Variants in FAM81B observed in about 807,000 individuals in gnomAD.
The protein encoded by FAM81B is family with sequence similarity 81 member B.
A neutral mutation model predicts 58.7 loss-of-function variants in FAM81B; 60 were observed. The observed-to-expected ratio is 1.02, with a 90% CI of 0.83 to 1.27. The LOEUF (loss-of-function observed/expected upper bound fraction) is 1.27, where lower values mean the gene tolerates loss of function less well. Ranked by LOEUF, FAM81B falls within the 50% of genes most tolerant of loss-of-function variation. The probability of loss-of-function intolerance (pLI) is 0.00; values close to 1 mark genes in which losing one functional copy is unlikely to be tolerated. For synonymous variants in FAM81B, 189 were observed against 179.6 expected (o/e 1.05, Z -0.42); for missense variants, 491 against 522.0 (o/e 0.94, Z 0.58).
chr5:95,446,097 G>C (rs1745546108), intron 7 of FAM81B, among the ~76,000 whole-genome samples: 1 of 152,186 alleles, frequency 6.6e-6, no homozygotes, highest in Non-Finnish European at 1.5e-5. Flanking sequence ...GGAGCATTGA[G>C]TGGTTGCAAC....
chr5:95,439,199 A>AC (rs1445827223), intron 7 of FAM81B, among the ~76,000 whole-genome samples: 2 of 141,938 alleles, frequency 1.4e-5, no homozygotes. Context: ...AAATACTGGC[A>AC]CTTTTATTTC....
chr5:95,409,110 C>T (rs746128297), intron 3 of FAM81B, among the ~76,000 whole-genome samples: 5 of 152,104 alleles, frequency 3.3e-5, no homozygotes, highest in Non-Finnish European at 7.4e-5. Context: ...TTAGATATAA[C>T]GGTTTAAATA....
chr5:95,409,790 CA>C (rs969119158), intron 3 of FAM81B, among the ~76,000 whole-genome samples: 13 of 151,974 alleles, frequency 8.6e-5, no homozygotes, highest in Non-Finnish European at 1.8e-4. Flanking sequence ...TGGCATTGCC[CA>C]AAAAAACTTA....
chr5:95,392,321 G>A (rs973326352), intron 1 of FAM81B, among the ~76,000 whole-genome samples: 1 of 152,102 alleles, frequency 6.6e-6, no homozygotes, highest in Non-Finnish European at 1.5e-5. Context: ...CATGGACACA[G>A]GGAGGGGAAC....
chr5:95,424,918 G>T (rs1417260460), intron 5 of FAM81B, among the ~76,000 whole-genome samples: 1 of 152,096 alleles, frequency 6.6e-6, no homozygotes, highest in Non-Finnish European at 1.5e-5. Context: ...GACTGGAATT[G>T]CTCGGGATAG....
chr5:95,450,042 T>C, intron 9 of FAM81B, 107 bp from the exon 10 acceptor site: 1 of 1,259,174 alleles, frequency 7.9e-7, no homozygotes, highest in Non-Finnish European at 1.1e-6. Context: ...TTAATGCGCT[T>C]GGAATTAAAT....
At chr5:95,398,768 A>C (rs541740503) in intron 3 of FAM81B, among the ~76,000 whole-genome samples, 1 of 152,308 alleles carries the variant, frequency 6.6e-6, no homozygotes, top group African/African-American at 2.4e-5. Context: ...TAAGAATCTG[A>C]CATTTGAGAA....
At chr5:95,392,757 A>G (rs895516251) in intron 1 of FAM81B, 37 bp from the exon 2 acceptor site, 8 of 1,554,608 alleles carry the variant, frequency 5.1e-6, no homozygotes, top group Non-Finnish European at 6.1e-6. Context: ...TTCACTTGTC[A>G]TAGTTCCTGA....
intron 7 of FAM81B, among the ~76,000 whole-genome samples, chr5:95,437,171 AT>A (rs1395065721): frequency 6.6e-6 from 1 of 152,000 alleles, no homozygotes; most frequent in Non-Finnish European, 1.5e-5. Context: ...CCTTCCTGTA[AT>A]TTTTACTTAT....
chr5:95,428,550 G>A lies in FAM81B; in HGVS notation c.657-53G>A, dbSNP rs943364618. ...TGAATGTGCAGGTGTCTACTATAGT[G>A]TTAAAAATGTTATAAAGGTATTGAT... On this transcript the variant is annotated intron_variant, in intron 5 of 9. Transcript: ENST00000283357. The A allele has an allele frequency of 3.4e-5, 54 of 1,604,152 alleles. No homozygotes were observed. The African/African-American group carries it at 6.0e-4, about 18-fold the overall frequency.
intron 6 of FAM81B, among the ~76,000 whole-genome samples, chr5:95,429,726 G>A (rs930186386): frequency 6.6e-6 from 1 of 152,090 alleles, no homozygotes; most frequent in Non-Finnish European, 1.5e-5. Context: ...TTAAAGTCTT[G>A]AGCAGAAATT....
At chr5:95,406,076 G>A (rs1212898319) in intron 3 of FAM81B, 1 of 154,262 alleles carries the variant, frequency 6.5e-6, no homozygotes, top group Non-Finnish European at 1.5e-5. Flanking sequence ...TAGAGAAGAA[G>A]AGCAGACTTA....
chr5:95,400,435 C>CATACATACACACATACATACAT, intron 3 of FAM81B, among the ~76,000 whole-genome samples: 1 of 143,504 alleles, frequency 7.0e-6, no homozygotes, highest in South Asian at 2.3e-4. Flanking sequence ...TACATACATA[C>CATACATACACACATACATACAT]ACACACACAC....
At position 95,408,075 on chromosome 5, in the gene FAM81B, T is replaced by TGAGAGAGAGA. The variant is rs10567707; in HGVS notation, c.294-5844_294-5835dup. Among the ~76,000 whole-genome samples, 781 of 130,258 alleles carry TGAGAGAGAGA rather than the reference T, an allele frequency of 6.0e-3. 3 individuals are homozygous for TGAGAGAGAGA. The highest frequency in any genetic ancestry group is 0.012 in the African/African-American group (389 of 33,682). The allele number at this position is 130,258 out of a possible 152,430, so 85.5% of individuals were successfully genotyped here. A position where few individuals can be genotyped will look rare whatever the true frequency, so the allele number is the denominator to read the frequency against. ...ATATGGCAGTTGGCTTCCCCCAAAA[T>TGAGAGAGAGA]GAGAGAGAGAGAGAGAGAGAGAGAG... On this transcript the variant is annotated intron_variant, in intron 3 of 9. Transcript: ENST00000283357.
Position 95,413,955 on chromosome 5 carries a change from C to A in FAM81B, c.302C>A (p.Ala101Asp), listed in dbSNP as rs1458389512. ...DLVEYVDKSH[A>D]FLPIIPNTQR... ...TTCCTTTTTCTGATCAGGAGTCATG[C>A]TTTTCTCCCCATCATTCCAAACACC... The change falls in exon 4 of 10, where the codon GCT (alanine) becomes GAT (aspartate). Residue 101 changes from alanine (A) to aspartate (D), a missense_variant. Physicochemically the swap from Ala to Asp is moderately radical, Grantham distance 126. Transcript: ENST00000283357. 1 of 1,612,672 alleles carries A rather than the reference C, an allele frequency of 6.2e-7. No individual in the cohort carries two copies. Among genetic ancestry groups the A allele is most frequent in the Admixed American group, 1.7e-5 (1 of 59,838 alleles).
intron 7 of FAM81B, chr5:95,440,214 C>A: frequency 1.5e-6 from 1 of 652,406 alleles, no homozygotes; most frequent in Non-Finnish European, 3.0e-6. Context: ...TATTGACTGG[C>A]TTCTCGGTCT....
At position 95,430,344 on chromosome 5, in the gene FAM81B, A is replaced by C. The variant is rs1390177547; in HGVS notation, c.786+1612A>C. Among the ~76,000 whole-genome samples the C allele has an allele frequency of 2.0e-5, 3 of 151,014 alleles. No homozygotes were observed. The East Asian group carries it at 5.8e-4, about 29-fold the overall frequency. ...CTTATGCAGATATGAGCAAATGCAA[A>C]TACATATTTTTATTCCCCCTTTATT... On this transcript the variant is annotated intron_variant, in intron 6 of 9. Transcript: ENST00000283357.
chr5:95,417,734 A>G (rs1459717328), intron 4 of FAM81B, among the ~76,000 whole-genome samples: 1 of 152,120 alleles, frequency 6.6e-6, no homozygotes, highest in Non-Finnish European at 1.5e-5. Flanking sequence ...TGGTGTAAAT[A>G]CTCCTATGAT....
chr5:95,428,434 G>T (rs1329953685), intron 5 of FAM81B, among the ~76,000 whole-genome samples, 169 bp from the exon 6 acceptor site: 1 of 152,118 alleles, frequency 6.6e-6, no homozygotes, highest in African/African-American at 2.4e-5. Flanking sequence ...TCATCAGAAA[G>T]AGAAGGGAAA....
Sources: gnomAD v4.1 joint callset for allele counts (sites outside exome capture counted in the v4.1 genomes callset) on GRCh38, gnomAD v4.1.1 for gene constraint, MANE v1.5 for transcripts, NCBI Gene and HGNC (gene_info 2026-07-23, HGNC 2026-07-21) for gene names.